The following WIPI1 variants were observed in gnomAD, a reference collection of about 807,000 sequenced individuals.
WIPI1 encodes WD repeat domain phosphoinositide-interacting protein 1.
In WIPI1, 45 loss-of-function variants were observed where a neutral mutation model predicts 55.3. That is an observed-to-expected ratio of 0.81 (90% confidence interval 0.64 to 1.04). WIPI1 has a LOEUF of 1.04. Ranked by LOEUF, WIPI1 falls within the 50% of genes least tolerant of loss-of-function variation. The probability of loss-of-function intolerance (pLI) is 0.00; values close to 1 mark genes in which losing one functional copy is unlikely to be tolerated. For missense variants in WIPI1, 445 were observed against 559.0 expected, an observed-to-expected ratio of 0.80 and a Z score of 2.06; for synonymous variants, 195 against 217.6, an observed-to-expected ratio of 0.90 and a Z score of 0.92.
At chr17:68,456,335 G>A (rs1282406566) in intron 1 of WIPI1, among the ~76,000 whole-genome samples, 1 of 152,224 alleles carries the variant, frequency 6.6e-6, no homozygotes, top group Admixed American at 6.5e-5. Flanking sequence ...TTACACCACT[G>A]AAGGATCAAT....
chr17:68,444,510 A>C lies in WIPI1; in HGVS notation c.413T>G (p.Ile138Ser). The C allele has an allele frequency of 6.2e-7, 1 of 1,613,900 alleles. No homozygotes were observed. Among genetic ancestry groups the C allele is most frequent in the Non-Finnish European group, 8.5e-7 (1 of 1,179,946 alleles). Residue 138 changes from isoleucine (I) to serine (S), a missense_variant, in exon 4 of 13, where the codon ATT (isoleucine) becomes AGT (serine). Ile to Ser is a moderately radical substitution (Grantham distance 142). Transcript: ENST00000262139. ...DMKLLKTLLD[I>S]PANPTGLCAL... ...GAGCTCACCTGTTGGGTTTGCAGGA[A>C]TATCCAGGAGGGTCTTCAACAGCTT...
chr17:68,424,965 G>C (rs1431020945), intron 12 of WIPI1, among the ~76,000 whole-genome samples: 1 of 152,210 alleles, frequency 6.6e-6, no homozygotes, highest in Non-Finnish European at 1.5e-5. Flanking sequence ...TCACAAGAGC[G>C]GTCTATATGT....
chr17:68,445,916 G>C (rs1419018353), intron 3 of WIPI1, among the ~76,000 whole-genome samples: 1 of 152,178 alleles, frequency 6.6e-6, no homozygotes, highest in Non-Finnish European at 1.5e-5. Flanking sequence ...GCTCTCCCCG[G>C]AGATTCTGGT....
rs1233019052 is a variant in WIPI1 at position 68,425,816 on chromosome 17, A to C, written c.1293+259T>G. 6 of 402,056 alleles carry C rather than the reference A, an allele frequency of 1.5e-5. No individual in the cohort carries two copies. The East Asian group carries it at 2.5e-4, about 17-fold the overall frequency. 24.9% of individuals were successfully genotyped at this position (402,056 alleles called of 1,614,324 possible). A position where few individuals can be genotyped will look rare whatever the true frequency, so the allele number is the denominator to read the frequency against. Reference sequence around the variant, plus strand: ...TAAGGGATCGCAGGCCTCTGGCTGGAGGGAGGCCACCAAGACTCCCTGGAT... The same window carrying C: ...TAAGGGATCGCAGGCCTCTGGCTGGCGGGAGGCCACCAAGACTCCCTGGAT... On this transcript the variant is annotated intron_variant, in intron 12 of 12. Coordinates refer to ENST00000262139, the MANE Select transcript of WIPI1 (RefSeq NM_017983.7).
chr17:68,427,811 G>A (rs1011470240), intron 10 of WIPI1, among the ~76,000 whole-genome samples: 1 of 152,178 alleles, frequency 6.6e-6, no homozygotes, highest in Non-Finnish European at 1.5e-5. Flanking sequence ...GGTGGGGGGC[G>A]GTGGCAGCTC....
At chr17:68,424,108 A>G (rs541162148) in intron 12 of WIPI1, among the ~76,000 whole-genome samples, 13 of 152,340 alleles carry the variant, frequency 8.5e-5, no homozygotes, top group Non-Finnish European at 1.8e-4. Context: ...AGTTGGGGCC[A>G]TGAGAACCCA....
In WIPI1 at chr17:68,427,212, T is replaced by G. The variant is rs1360793149; in HGVS notation, c.1115A>C (p.Asp372Ala). ...SGTTEENKEN[D>A]LRPSLPQSYA... ...AGACTGAGGTAAGGAAGGTCTGAGG[T>G]CATTTTCTTTATTCTCTTCTGTTGT... Residue 372 changes from aspartate (D) to alanine (A), a missense_variant, in exon 11 of 13, where the codon GAC becomes GCC. Physicochemically the swap from Asp to Ala is moderately radical, Grantham distance 126 (BLOSUM62 -2). Transcript: ENST00000262139. 1 of 1,614,168 alleles carries G rather than the reference T, an allele frequency of 6.2e-7. No individual in the cohort carries two copies. Among genetic ancestry groups the G allele is most frequent in the South Asian group, 1.1e-5 (1 of 91,086 alleles).
intron 12 of WIPI1, chr17:68,422,751 AAAAAG>A (rs1489300514): frequency 6.6e-6 from 1 of 151,480 alleles, no homozygotes; most frequent in African/African-American, 2.4e-5. Flanking sequence ...AAAAAAAAAA[AAAAAG>A]GGAAGGTCAG....
chr17:68,426,253 G>GGGGGGGGGGGGA, intron 11 of WIPI1, 78 bp from the exon 12 acceptor site: 1 of 841,016 alleles, frequency 1.2e-6, no homozygotes, highest in Non-Finnish European at 1.9e-6. Flanking sequence ...GGGGAGCGGG[G>GGGGGGGGGGGGA]GCTCAAATAA....
chr17:68,428,029 T>C (rs192222519), intron 10 of WIPI1, among the ~76,000 whole-genome samples: 1 of 152,206 alleles, frequency 6.6e-6, no homozygotes, highest in Admixed American at 6.5e-5. Flanking sequence ...TAGCTGGGAC[T>C]ACAAGGCATG....
intron 1 of WIPI1, among the ~76,000 whole-genome samples, chr17:68,455,018 C>T (rs957776661): frequency 5.9e-5 from 9 of 152,280 alleles, no homozygotes; most frequent in African/African-American, 2.2e-4. Flanking sequence ...AATCACCACT[C>T]ATGGAAACAG....
intron 4 of WIPI1, 37 bp downstream of exon 4, chr17:68,444,456 A>G: frequency 6.3e-7 from 1 of 1,582,030 alleles, no homozygotes; most frequent in Non-Finnish European, 8.7e-7. Context: ...CCAGGACATG[A>G]AATTTCAGGG....
intron 1 of WIPI1, among the ~76,000 whole-genome samples, chr17:68,455,089 T>C (rs574127046): frequency 1.4e-4 from 21 of 152,260 alleles, no homozygotes; most frequent in Admixed American, 2.6e-4. Flanking sequence ...AGGCTGGGCA[T>C]AGTGTGTCAC....
At chr17:68,453,730 C>T (rs911167005) in intron 1 of WIPI1, among the ~76,000 whole-genome samples, 9 of 152,106 alleles carry the variant, frequency 5.9e-5, no homozygotes, top group East Asian at 5.8e-4. Flanking sequence ...CCACCTGCCT[C>T]GGCCTCCCAA....
intron 4 of WIPI1, among the ~76,000 whole-genome samples, chr17:68,437,974 GTGAC>G (rs1309695249): frequency 6.2e-5 from 4 of 64,684 alleles, no homozygotes; most frequent in East Asian, 2.9e-4. Flanking sequence ...AAAAAAAAAA[GTGAC>G]TGGCGTCTAT....
intron 1 of WIPI1, among the ~76,000 whole-genome samples, chr17:68,453,565 G>A (rs1000797538): frequency 6.8e-6 from 1 of 146,448 alleles, no homozygotes; most frequent in African/African-American, 2.6e-5. Context: ...TCCAACCTCC[G>A]CCTCCTGGGT....
intron 8 of WIPI1, among the ~76,000 whole-genome samples, chr17:68,431,686 C>T (rs944806476): frequency 5.4e-4 from 6 of 11,054 alleles, no homozygotes; most frequent in African/African-American, 1.5e-3. Context: ...GCTAAAGACA[C>T]GTTCAAGGGC....
rs917008423 is a variant in WIPI1 at position 68,449,358 on chromosome 17, G to C, written c.333+1370C>G. Reference sequence around the variant, plus strand: ...CCTTCACAGTAATTTGGCCAAGCGTGGTGGCTCATGCCTGTAATTCCAGCA... The same window carrying C: ...CCTTCACAGTAATTTGGCCAAGCGTCGTGGCTCATGCCTGTAATTCCAGCA... On this transcript the variant is annotated intron_variant, in intron 3 of 12. Coordinates refer to ENST00000262139, the MANE Select transcript of WIPI1 (RefSeq NM_017983.7). Among the ~76,000 whole-genome samples, 3 of 152,212 alleles carry C rather than the reference G, an allele frequency of 2.0e-5. No homozygotes were observed. In the East Asian group the frequency reaches 5.8e-4, roughly 29 times the overall value.
intron 12 of WIPI1, 111 bp from the exon 13 acceptor site, chr17:68,421,931 C>T (rs750559400): frequency 7.0e-5 from 100 of 1,435,242 alleles, no homozygotes; most frequent in Non-Finnish European, 8.8e-5. Context: ...AGGCTGGGCA[C>T]TGTGGAATTT....
Sources: allele counts gnomAD v4.1 joint callset (sites outside exome capture counted in the v4.1 genomes callset), GRCh38; gene constraint gnomAD v4.1.1; transcripts MANE v1.5; gene names NCBI Gene and HGNC (gene_info 2026-07-23, HGNC 2026-07-21).